Variants in KCNQ1OT1 observed in about 807,000 individuals in gnomAD.
The protein encoded by KCNQ1OT1 is KCNQ1 antisense RNA 2 (non-protein coding).
rs867252201 is a variant in KCNQ1OT1 at position 2,689,835 on chromosome 11, T to C, written n.10160A>G. 6.3e-5 allele frequency: 25 copies of C among 398,664 alleles called. No individual in the cohort carries two copies. The Middle Eastern group carries it at 1.9e-3, about 30-fold the overall frequency. The allele number at this position is 398,664 out of a possible 1,614,324, so 24.7% of individuals were successfully genotyped here. A position where few individuals can be genotyped will look rare whatever the true frequency, so the allele number is the denominator to read the frequency against. On this transcript the variant is annotated non_coding_transcript_exon_variant, in exon 1 of 1. Transcript: ENST00000597346. ...GTGGTGCTTGGCCCTCCCAGGTGCC[T>C]GGTTGTGGCCTGCCACTTAGCACCC...
In KCNQ1OT1 at chr11:2,645,096, C is replaced by T. The variant is rs1395768865; in HGVS notation, n.54899G>A. ...CACAGGGTGGGTAGGTCCTTGAGCT[C>T]TGAGCAGCAGATATGGCTTGGGCAA... On this transcript the variant is annotated non_coding_transcript_exon_variant, in exon 1 of 1. Transcript: ENST00000597346. The surrounding 1 kb of genome is among the most constrained non-coding windows in gnomAD (Gnocchi z 5.8). The T allele has an allele frequency of 2.5e-6, 1 of 398,598 alleles. No homozygotes were observed. Among genetic ancestry groups the T allele is most frequent in the Non-Finnish European group, 4.4e-6 (1 of 226,088 alleles). The allele number at this position is 398,598 out of a possible 1,614,324, so 24.7% of individuals were successfully genotyped here.
rs1364713845 is a variant in KCNQ1OT1, at chr11:2,653,528, C to T, written n.46467G>A. The T allele has an allele frequency of 2.5e-5, 10 of 398,704 alleles. No individual in the cohort carries two copies. The highest frequency in any genetic ancestry group is 8.8e-5 in the Admixed American group (2 of 22,718). 24.7% of individuals were successfully genotyped at this position (398,704 alleles called of 1,614,324 possible). A position where few individuals can be genotyped will look rare whatever the true frequency, so the allele number is the denominator to read the frequency against. On this transcript the variant is annotated non_coding_transcript_exon_variant, in exon 1 of 1. Transcript: ENST00000597346. This position sits in a 1 kb window ranked among gnomAD's most constrained non-coding sequence, Gnocchi z 5.3. ...AGATGATCTTGCTCACTTGCTCTCA[C>T]TCTCCCCTCTTGCACTCCCCTTCTC...
In KCNQ1OT1 at chr11:2,622,783, C is replaced by T. The variant is rs560574378; in HGVS notation, n.77212G>A. ...TTGAGAGGTAAGTACAGAGATTTCCCGTATACCCACTGCACCCATACATAC... is the reference window on the plus strand; with the variant it reads ...TTGAGAGGTAAGTACAGAGATTTCCTGTATACCCACTGCACCCATACATAC... On this transcript the variant is annotated non_coding_transcript_exon_variant, in exon 1 of 1. Transcript: ENST00000597346. 4.4e-3 allele frequency: 1,762 copies of T among 398,526 alleles called. 4 individuals are homozygous for T. Among genetic ancestry groups the T allele is most frequent in the Non-Finnish European group, 6.0e-3 (1,354 of 226,062 alleles). The allele number at this position is 398,526 out of a possible 1,614,324, so 24.7% of individuals were successfully genotyped here. A position where few individuals can be genotyped will look rare whatever the true frequency, so the allele number is the denominator to read the frequency against.
exon 1 of KCNQ1OT1, chr11:2,631,391 T>C (rs1849350517): frequency 2.5e-6 from 1 of 398,610 alleles, no homozygotes; most frequent in Non-Finnish European, 4.4e-6. Flanking sequence ...TCACTTTTCA[T>C]TTCATGCACT....
At chr11:2,632,043 C>T (rs1242417045) in exon 1 of KCNQ1OT1, 1 of 396,164 alleles carries the variant, frequency 2.5e-6, no homozygotes, top group East Asian at 3.6e-5. Context: ...ATTAGCCAGG[C>T]ATAGCAGCGT....
chr11:2,676,528 A>C lies in KCNQ1OT1; in HGVS notation n.23467T>G, dbSNP rs756794056. 2 of 398,568 alleles carry C rather than the reference A, an allele frequency of 5.0e-6. No individual in the cohort carries two copies. The highest frequency in any genetic ancestry group is 8.8e-6 in the Non-Finnish European group (2 of 226,100). The allele number at this position is 398,568 out of a possible 1,614,324, so 24.7% of individuals were successfully genotyped here. A position where few individuals can be genotyped will look rare whatever the true frequency, so the allele number is the denominator to read the frequency against. Reference sequence around the variant, plus strand: ...AACACTTGGACTTGGCAAAAGGCATAGAGGTAGTGGTACAGGAAAGGTCTA... The same window carrying C: ...AACACTTGGACTTGGCAAAAGGCATCGAGGTAGTGGTACAGGAAAGGTCTA... On this transcript the variant is annotated non_coding_transcript_exon_variant, in exon 1 of 1. Coordinates refer to ENST00000597346, the Ensembl canonical transcript of KCNQ1OT1. The surrounding 1 kb of genome is among the most constrained non-coding windows in gnomAD (Gnocchi z 4.2).
In KCNQ1OT1 at chr11:2,623,962, C is replaced by A; in HGVS notation, n.76033G>T. ...GAAGAACCACCAAACTCTTCTCCAC[C>A]AGGGCTGCACCACTTTACATTCCCA... On this transcript the variant is annotated non_coding_transcript_exon_variant, in exon 1 of 1. Coordinates refer to ENST00000597346, the Ensembl canonical transcript of KCNQ1OT1. This position sits in a 1 kb window ranked among gnomAD's most constrained non-coding sequence, Gnocchi z 5.2. The A allele has an allele frequency of 2.5e-6, 1 of 398,588 alleles. No homozygotes were observed. The highest frequency in any genetic ancestry group is 4.4e-6 in the Non-Finnish European group (1 of 226,068). The allele number at this position is 398,588 out of a possible 1,614,324, so 24.7% of individuals were successfully genotyped here. A position where few individuals can be genotyped will look rare whatever the true frequency, so the allele number is the denominator to read the frequency against.
At chr11:2,686,615 G>C (rs1850494062) in exon 1 of KCNQ1OT1, 1 of 398,670 alleles carries the variant, frequency 2.5e-6, no homozygotes, top group Non-Finnish European at 4.4e-6. Flanking sequence ...TTTCACATGA[G>C]CGTGGCTGCC....
Position 2,620,222 on chromosome 11 carries a change from TTA to T in KCNQ1OT1, n.79771_79772del, listed in dbSNP as rs1265977030. ...ATGTATATATATATATTTTTTTTTT[TTA>T]TTTTTTTTTTAGACGGAGTTTCGCT... On this transcript the variant is annotated non_coding_transcript_exon_variant, in exon 1 of 1. Coordinates refer to ENST00000597346, the Ensembl canonical transcript of KCNQ1OT1. The surrounding 1 kb of genome is among the most constrained non-coding windows in gnomAD (Gnocchi z 4.5). 3.3e-5 allele frequency: 9 copies of T among 274,408 alleles called. No homozygotes were observed. Among genetic ancestry groups the T allele is most frequent in the African/African-American group, 6.9e-5 (3 of 43,742 alleles). The allele number at this position is 274,408 out of a possible 1,614,324, so 17.0% of individuals were successfully genotyped here.
chr11:2,630,545 G>C (rs1214257582), exon 1 of KCNQ1OT1: 3 of 398,000 alleles, frequency 7.5e-6, no homozygotes, highest in Non-Finnish European at 1.3e-5. Context: ...TATCCATTGA[G>C]AAATTATGAA....
Position 2,642,468 on chromosome 11 carries a change from G to T in KCNQ1OT1, n.57527C>A. On this transcript the variant is annotated non_coding_transcript_exon_variant, in exon 1 of 1. Coordinates refer to ENST00000597346, the Ensembl canonical transcript of KCNQ1OT1. This position sits in a 1 kb window ranked among gnomAD's most constrained non-coding sequence, Gnocchi z 4.3. ...ATCCTGTAACTGTAATCAATTTATT[G>T]ATCAGACTGAAGAGTTTTGATTTTT... The T allele has an allele frequency of 2.5e-6, 1 of 397,932 alleles. No homozygotes were observed. The allele number at this position is 397,932 out of a possible 1,614,324, so 24.7% of individuals were successfully genotyped here. A position where few individuals can be genotyped will look rare whatever the true frequency, so the allele number is the denominator to read the frequency against.
At chr11:2,632,182 CAAAAAAA>C in exon 1 of KCNQ1OT1, 14 of 310,358 alleles carry the variant, frequency 4.5e-5, no homozygotes, top group Admixed American at 1.3e-4. Flanking sequence ...GACTCTGCCT[CAAAAAAA>C]AAAAAAAAAA....
Position 2,663,729 on chromosome 11 carries a change from G to A in KCNQ1OT1, n.36266C>T, listed in dbSNP as rs115470582. The A allele has an allele frequency of 5.0e-6, 2 of 398,714 alleles. No individual in the cohort carries two copies. The highest frequency in any genetic ancestry group is 4.1e-5 in the African/African-American group (2 of 48,768). The allele number at this position is 398,714 out of a possible 1,614,324, so 24.7% of individuals were successfully genotyped here. On this transcript the variant is annotated non_coding_transcript_exon_variant, in exon 1 of 1. Transcript: ENST00000597346. The surrounding 1 kb of genome is among the most constrained non-coding windows in gnomAD (Gnocchi z 5.2). Reference sequence around the variant, plus strand: ...CTTGGGTCTTGCAAGGCCCCTGCAGGTGAAGGTGGTGAGAGACCAGGCACT... The same window carrying A: ...CTTGGGTCTTGCAAGGCCCCTGCAGATGAAGGTGGTGAGAGACCAGGCACT...
Position 2,624,167 on chromosome 11 carries a change from G to T in KCNQ1OT1, n.75828C>A. 1 of 398,532 alleles carries T rather than the reference G, an allele frequency of 2.5e-6. No individual in the cohort carries two copies. Among genetic ancestry groups the T allele is most frequent in the Non-Finnish European group, 4.4e-6 (1 of 226,036 alleles). 24.7% of individuals were successfully genotyped at this position (398,532 alleles called of 1,614,324 possible). A position where few individuals can be genotyped will look rare whatever the true frequency, so the allele number is the denominator to read the frequency against. On this transcript the variant is annotated non_coding_transcript_exon_variant, in exon 1 of 1. Transcript: ENST00000597346. The surrounding 1 kb of genome is among the most constrained non-coding windows in gnomAD (Gnocchi z 4.9). ...TTTTAATTTCCATTTCCCTAATGAC[G>T]TAAGATGTGGGGCATCTTTTCATAT...
rs1850028019 is a variant in KCNQ1OT1, at chr11:2,664,512, GTTTCCTCAGGGCCCA to G, written n.35468_35482del. The G allele has an allele frequency of 2.5e-6, 1 of 398,658 alleles. No homozygotes were observed. The highest frequency in any genetic ancestry group is 2.1e-5 in the African/African-American group (1 of 48,634). The allele number at this position is 398,658 out of a possible 1,614,324, so 24.7% of individuals were successfully genotyped here. On this transcript the variant is annotated non_coding_transcript_exon_variant, in exon 1 of 1. Coordinates refer to ENST00000597346, the Ensembl canonical transcript of KCNQ1OT1. This position sits in a 1 kb window ranked among gnomAD's most constrained non-coding sequence, Gnocchi z 5.1. ...GAAGGCTGGCAGCAGTGGGCACCCT[GTTTCCTCAGGGCCCA>G]AACCGCCTGGCGGCAGGGGTGTGGG...
chr11:2,640,673 C>A, exon 1 of KCNQ1OT1: 1 of 397,928 alleles, frequency 2.5e-6, no homozygotes, highest in South Asian at 1.3e-4. Context: ...CTCAATTTAT[C>A]ATCTCTATAG....
exon 1 of KCNQ1OT1, chr11:2,630,855 T>C: frequency 2.5e-6 from 1 of 398,528 alleles, no homozygotes; most frequent in Non-Finnish European, 4.4e-6. Flanking sequence ...CTGTGTAAAG[T>C]ATTCTTAGAT....
At chr11:2,666,189 C>T (rs1850063497) in exon 1 of KCNQ1OT1, 2 of 398,518 alleles carry the variant, frequency 5.0e-6, no homozygotes, top group Admixed American at 4.4e-5. Flanking sequence ...ATACCGCCCT[C>T]AGTCCCACTC....
Position 2,695,927 on chromosome 11 carries a change from G to A in KCNQ1OT1, n.4068C>T, listed in dbSNP as rs192215302. ...TTCTTAATGATTTGTGGTGCTTTCT[G>A]GTATATTTTAGCTGTTGTTCCCTCC... is the stretch of plus-strand genomic sequence containing the variant. On this transcript the variant is annotated non_coding_transcript_exon_variant, in exon 1 of 1. Coordinates refer to ENST00000597346, the Ensembl canonical transcript of KCNQ1OT1. This position sits in a 1 kb window ranked among gnomAD's most constrained non-coding sequence, Gnocchi z 5.2. The A allele has an allele frequency of 7.5e-6, 3 of 398,480 alleles. No homozygotes were observed. The highest frequency in any genetic ancestry group is 8.8e-5 in the Admixed American group (2 of 22,718). The allele number at this position is 398,480 out of a possible 1,614,324, so 24.7% of individuals were successfully genotyped here. A position where few individuals can be genotyped will look rare whatever the true frequency, so the allele number is the denominator to read the frequency against.
Sources: allele counts gnomAD v4.1 joint callset, GRCh38; gene constraint gnomAD v4.1.1; non-coding constraint Gnocchi (gnomAD v3.1); transcripts MANE v1.5; gene names NCBI Gene and HGNC (gene_info 2026-07-23, HGNC 2026-07-21).